Variants in CCDC148 observed in about 807,000 individuals in gnomAD.
The protein encoded by CCDC148 is coiled-coil domain containing 148, also known as coiled-coil domain-containing protein 148.
CCDC148 carries 89 observed loss-of-function variants against 85.7 expected under a neutral mutation model. That is an observed-to-expected ratio of 1.04 (90% CI 0.87 to 1.24). CCDC148 has a LOEUF of 1.24. Ranked by LOEUF, CCDC148 falls within the 50% of genes most tolerant of loss-of-function variation. The pLI is 0.00. For synonymous variants in CCDC148, 230 were observed against 213.9 expected (o/e 1.08, Z -0.66); for missense variants, 692 against 671.7 (o/e 1.03, Z -0.33).
At position 158,402,720 on chromosome 2, in the gene CCDC148, T is replaced by C. The variant is rs552996689; in HGVS notation, c.26-44150A>G. ...GAGACTTTTAAAAGTTGTAGAAAAATGTAACTCAAAGGAATATTCTCTGCC... is the reference window on the plus strand; with the variant it reads ...GAGACTTTTAAAAGTTGTAGAAAAACGTAACTCAAAGGAATATTCTCTGCC... On this transcript the variant is annotated intron_variant, in intron 1 of 13. Coordinates refer to ENST00000283233, the MANE Select transcript of CCDC148 (RefSeq NM_138803.4). 3.2e-4 allele frequency among the ~76,000 whole-genome samples: 49 copies of C among 152,130 alleles called. 2 individuals are homozygous for C. The South Asian group carries it at 9.7e-3, about 30-fold the overall frequency.
chr2:158,420,313 A>T lies in CCDC148; in HGVS notation c.25+36102T>A, dbSNP rs1314196668. Among the ~76,000 whole-genome samples, 4 of 152,084 alleles carry T rather than the reference A, an allele frequency of 2.6e-5. No homozygotes were observed. The East Asian group carries it at 5.8e-4, about 22-fold the overall frequency. On this transcript the variant is annotated intron_variant, in intron 1 of 13. Coordinates refer to ENST00000283233, the MANE Select transcript of CCDC148 (RefSeq NM_138803.4). ...CATAATTATCAGATTCACCAAATGT[A>T]AAAATGTTAAGGGCAGCCAGGGAGA... is the stretch of plus-strand genomic sequence containing the variant.
chr2:158,196,144 TAAATTATGTA>T (rs529752883), intron 11 of CCDC148, among the ~76,000 whole-genome samples: 2 of 152,306 alleles, frequency 1.3e-5, no homozygotes, highest in South Asian at 4.1e-4. Context: ...CAGGCATTAT[TAAATTATGTA>T]AATTTACACA....
chr2:158,378,870 A>G (rs1406874231), intron 1 of CCDC148, among the ~76,000 whole-genome samples: 4 of 152,144 alleles, frequency 2.6e-5, no homozygotes, highest in East Asian at 3.9e-4. Flanking sequence ...CTGGTTATTC[A>G]CAATGCACCT....
chr2:158,375,899 T>C (rs1434813918), intron 1 of CCDC148, among the ~76,000 whole-genome samples: 1 of 152,110 alleles, frequency 6.6e-6, no homozygotes, highest in Non-Finnish European at 1.5e-5. Flanking sequence ...GCCTGGGATG[T>C]TGTTATCAAG....
At chr2:158,414,162 G>T (rs970651626) in intron 1 of CCDC148, among the ~76,000 whole-genome samples, 3 of 152,068 alleles carry the variant, frequency 2.0e-5, no homozygotes, top group African/African-American at 7.2e-5. Flanking sequence ...GCTTTAACTT[G>T]CTTTAAAAAC....
chr2:158,234,004 T>C (rs1243280535), intron 10 of CCDC148, among the ~76,000 whole-genome samples: 1 of 152,016 alleles, frequency 6.6e-6, no homozygotes, highest in Non-Finnish European at 1.5e-5. Flanking sequence ...GGTGAAACCC[T>C]GTCTCTACTA....
Position 158,287,523 on chromosome 2 carries a change from C to A in CCDC148, c.1110+21910G>T, listed in dbSNP as rs1379394963. 2.6e-5 allele frequency among the ~76,000 whole-genome samples: 4 copies of A among 152,118 alleles called. No homozygotes were observed. In the East Asian group the frequency reaches 7.7e-4, roughly 29 times the overall value. ...GGAGAAATTGGCCAAAACAAAGGGG[C>A]TACAGGCCCCACACAAGTCCAAAAT... is the stretch of plus-strand genomic sequence containing the variant. On this transcript the variant is annotated intron_variant, in intron 9 of 13. Coordinates refer to ENST00000283233, the MANE Select transcript of CCDC148 (RefSeq NM_138803.4).
chr2:158,275,504 T>C (rs1301785262), intron 9 of CCDC148, among the ~76,000 whole-genome samples: 1 of 152,200 alleles, frequency 6.6e-6, no homozygotes, highest in Non-Finnish European at 1.5e-5. Flanking sequence ...AAGAACTTTT[T>C]GATATTAGCA....
chr2:158,392,001 C>T (rs1026364164), intron 1 of CCDC148, among the ~76,000 whole-genome samples: 2 of 152,112 alleles, frequency 1.3e-5, no homozygotes, highest in African/African-American at 4.8e-5. Context: ...TCCCTTTCCC[C>T]ATGAGACAGA....
intron 9 of CCDC148, among the ~76,000 whole-genome samples, chr2:158,265,370 T>C (rs532827982): frequency 2.0e-5 from 3 of 152,134 alleles, no homozygotes; most frequent in Non-Finnish European, 4.4e-5. Context: ...TTTTTTACAT[T>C]TAAAATTACT....
At chr2:158,204,028 A>C (rs1686101904) in intron 11 of CCDC148, among the ~76,000 whole-genome samples, 3 of 152,210 alleles carry the variant, frequency 2.0e-5, no homozygotes, top group African/African-American at 7.2e-5. Flanking sequence ...ATTCAACTAT[A>C]ACAAATCAGG....
chr2:158,293,975 C>T (rs55748517), intron 9 of CCDC148, among the ~76,000 whole-genome samples: 10,969 of 38,376 alleles, frequency 0.29, 1,654 homozygotes, highest in Non-Finnish European at 0.32. Context: ...CCTCCCTCCC[C>T]CCCCCCCTCC....
At chr2:158,267,784 C>T (rs994026911) in intron 9 of CCDC148, among the ~76,000 whole-genome samples, 1 of 152,142 alleles carries the variant, frequency 6.6e-6, no homozygotes, top group Non-Finnish European at 1.5e-5. Flanking sequence ...GTGGCTTCAG[C>T]CCTATTTTCT....
chr2:158,374,491 T>C (rs1170409561), intron 1 of CCDC148, among the ~76,000 whole-genome samples: 1 of 151,928 alleles, frequency 6.6e-6, no homozygotes. Flanking sequence ...ATTAACAGAC[T>C]TCAAACAATA....
At chr2:158,391,346 C>A (rs1456398315) in intron 1 of CCDC148, among the ~76,000 whole-genome samples, 1 of 152,158 alleles carries the variant, frequency 6.6e-6, no homozygotes, top group African/African-American at 2.4e-5. Flanking sequence ...TATATTACTA[C>A]TCCTAAACCA....
chr2:158,397,539 G>A (rs1685577360), intron 1 of CCDC148, among the ~76,000 whole-genome samples: 2 of 152,130 alleles, frequency 1.3e-5, no homozygotes, highest in South Asian at 4.2e-4. Context: ...AGTTTCATAA[G>A]TGAAGGAGAA....
intron 1 of CCDC148, among the ~76,000 whole-genome samples, chr2:158,440,675 A>T (rs1687894386): frequency 6.6e-6 from 1 of 152,278 alleles, no homozygotes; most frequent in Non-Finnish European, 1.5e-5. Flanking sequence ...TAATAAAATT[A>T]TGTAAATGTG....
chr2:158,397,665 C>A (rs1374890863), intron 1 of CCDC148, among the ~76,000 whole-genome samples: 1 of 152,160 alleles, frequency 6.6e-6, no homozygotes, highest in African/African-American at 2.4e-5. Context: ...GTACCAGCCA[C>A]TGCAAAAACA....
chr2:158,320,491 T>A (rs947376022), intron 7 of CCDC148, among the ~76,000 whole-genome samples: 1 of 152,202 alleles, frequency 6.6e-6, no homozygotes, highest in African/African-American at 2.4e-5. Context: ...AGGGAAAAGT[T>A]GTTGTCATGA....
Sources: allele counts gnomAD v4.1 joint callset (sites outside exome capture counted in the v4.1 genomes callset), GRCh38; gene constraint gnomAD v4.1.1; transcripts MANE v1.5; gene names NCBI Gene and HGNC (gene_info 2026-07-23, HGNC 2026-07-21).